The following TNR variants were observed in gnomAD, a reference collection of about 807,000 sequenced individuals.
The protein encoded by TNR is tenascin-R.
A neutral mutation model predicts 150.4 loss-of-function variants in TNR; 45 were observed. That is an observed-to-expected ratio of 0.30 (90% CI 0.24 to 0.38). The LOEUF (loss-of-function observed/expected upper bound fraction) is 0.38. TNR is among the 10% of genes least tolerant of loss of function. The pLI is 1.00. For missense variants in TNR, 1,544 were observed against 1,759.1 expected (o/e 0.88, Z 2.19); for synonymous variants, 687 against 678.4 (o/e 1.01, Z -0.20).
chr1:175,716,516 C>G (rs1238024424), intron 1 of TNR, among the ~76,000 whole-genome samples: 1 of 152,168 alleles, frequency 6.6e-6, no homozygotes, highest in African/African-American at 2.4e-5. Context: ...CCAACCCTCT[C>G]TTTCTGTTCC....
At chr1:175,339,625 C>G (rs1009201386) in intron 18 of TNR, among the ~76,000 whole-genome samples, 1 of 152,174 alleles carries the variant, frequency 6.6e-6, no homozygotes, top group African/African-American at 2.4e-5. Flanking sequence ...GTTTGAGTTT[C>G]TCATTTTAGA....
intron 1 of TNR, among the ~76,000 whole-genome samples, chr1:175,742,078 G>A (rs12028534): frequency 0.18 from 27,323 of 152,180 alleles, 2,597 homozygotes; most frequent in Middle Eastern, 0.25. Context: ...AACCAGGTAG[G>A]TGTGGCCAGG....
At chr1:175,717,478 T>C (rs1285053512) in intron 1 of TNR, among the ~76,000 whole-genome samples, 1 of 152,210 alleles carries the variant, frequency 6.6e-6, no homozygotes, top group African/African-American at 2.4e-5. Context: ...TCATTAGTAG[T>C]CTAACAGCGA....
At chr1:175,689,317 G>A (rs76656206) in intron 1 of TNR, among the ~76,000 whole-genome samples, 5,640 of 152,252 alleles carry the variant, frequency 0.037, 156 homozygotes, top group East Asian at 0.079. Context: ...CAAAGAGCCC[G>A]TCTTTCCACA....
intron 1 of TNR, among the ~76,000 whole-genome samples, chr1:175,664,535 G>C (rs1424632743): frequency 6.6e-6 from 1 of 152,160 alleles, no homozygotes; most frequent in African/African-American, 2.4e-5. Flanking sequence ...CATGTGGTAG[G>C]CTACTCTGAA....
intron 1 of TNR, among the ~76,000 whole-genome samples, chr1:175,708,028 G>A (rs956874213): frequency 6.8e-6 from 1 of 148,036 alleles, no homozygotes; most frequent in Admixed American, 6.6e-5. Context: ...TTGTGTGTGT[G>A]TGTGTGTGTG....
At chr1:175,722,453 T>C (rs1330588814) in intron 1 of TNR, among the ~76,000 whole-genome samples, 1 of 152,092 alleles carries the variant, frequency 6.6e-6, no homozygotes, top group Non-Finnish European at 1.5e-5. Context: ...TCTACCATGC[T>C]CTATTTTTCC....
rs1219907609 is a variant in TNR at position 175,743,293 on chromosome 1, G to C, written c.-232C>G. On this transcript the variant is annotated 5_prime_UTR_variant, in exon 1 of 23. Coordinates refer to ENST00000367674, the MANE Select transcript of TNR (RefSeq NM_003285.3). ...GGGAAGAAAATTCTTGCTTGCTCAGGCTGGAGCCAGCTGATGCGCTCACCT... is the reference window on the plus strand; with the variant it reads ...GGGAAGAAAATTCTTGCTTGCTCAGCCTGGAGCCAGCTGATGCGCTCACCT... 6.6e-6 allele frequency: 1 copy of C among 152,226 alleles called. No individual in the cohort carries two copies. The highest frequency in any genetic ancestry group is 1.5e-5 in the Non-Finnish European group (1 of 68,092). The allele number at this position is 152,226 out of a possible 1,614,324, so 9.4% of individuals were successfully genotyped here.
At position 175,696,217 on chromosome 1, in the gene TNR, G is replaced by GTTT. The variant is rs5778870; in HGVS notation, c.-165+47006_-165+47008dup. On this transcript the variant is annotated intron_variant, in intron 1 of 22. Coordinates refer to ENST00000367674, the MANE Select transcript of TNR (RefSeq NM_003285.3). ...ATGCCATTAAATGAGCCTTCCTGTA[G>GTTT]TTTTTTTTTTTTTTTTTTTTTTTTT... Among the ~76,000 whole-genome samples the GTTT allele has an allele frequency of 5.6e-3, 227 of 40,302 alleles. 6 individuals carry two copies. The highest frequency in any genetic ancestry group is 0.015 in the African/African-American group (193 of 13,064). 26.4% of individuals were successfully genotyped at this position (40,302 alleles called of 152,430 possible). A position where few individuals can be genotyped will look rare whatever the true frequency, so the allele number is the denominator to read the frequency against.
At chr1:175,648,956 A>G (rs1020510401) in intron 1 of TNR, among the ~76,000 whole-genome samples, 7 of 152,082 alleles carry the variant, frequency 4.6e-5, no homozygotes, top group Admixed American at 1.3e-4. Flanking sequence ...GGCACCCATC[A>G]TCTCAGGCCT....
chr1:175,452,919 T>C (rs1331523501), intron 2 of TNR, among the ~76,000 whole-genome samples: 1 of 152,036 alleles, frequency 6.6e-6, no homozygotes, highest in Non-Finnish European at 1.5e-5. Flanking sequence ...GGATGAACCG[T>C]GAAGTCATTA....
At chr1:175,343,059 C>A (rs961185151) in intron 18 of TNR, among the ~76,000 whole-genome samples, 1 of 152,160 alleles carries the variant, frequency 6.6e-6, no homozygotes, top group African/African-American at 2.4e-5. Flanking sequence ...TCTGGTCCCA[C>A]CTGCATTCAT....
At chr1:175,570,061 A>T (rs904323498) in intron 1 of TNR, among the ~76,000 whole-genome samples, 1 of 152,200 alleles carries the variant, frequency 6.6e-6, no homozygotes, top group Non-Finnish European at 1.5e-5. Context: ...GCTTTCCTTC[A>T]AGTTCTATAA....
At chr1:175,675,097 C>T (rs769499260) in intron 1 of TNR, among the ~76,000 whole-genome samples, 4 of 152,120 alleles carry the variant, frequency 2.6e-5, no homozygotes, top group Non-Finnish European at 4.4e-5. Flanking sequence ...AGAAAGATTG[C>T]ATTAAGTTTG....
chr1:175,416,143 C>CTA (rs1553218058), intron 2 of TNR, among the ~76,000 whole-genome samples: 3,923 of 151,546 alleles, frequency 0.026, 155 homozygotes, highest in African/African-American at 0.089. Flanking sequence ...CACACACACA[C>CTA]TATATATATA....
chr1:175,584,465 G>A (rs771378634), intron 1 of TNR, among the ~76,000 whole-genome samples: 26 of 152,326 alleles, frequency 1.7e-4, no homozygotes, highest in African/African-American at 6.3e-4. Context: ...TTGCAGAACC[G>A]TGAGACAGTA....
At chr1:175,672,816 T>C (rs1437809560) in intron 1 of TNR, among the ~76,000 whole-genome samples, 4 of 152,162 alleles carry the variant, frequency 2.6e-5, no homozygotes, top group African/African-American at 4.8e-5. Flanking sequence ...CTTGCATTCA[T>C]ATTCCCTTTT....
intron 7 of TNR, among the ~76,000 whole-genome samples, chr1:175,387,840 T>G (rs1653006342): frequency 6.6e-6 from 1 of 152,214 alleles, no homozygotes; most frequent in Non-Finnish European, 1.5e-5. Context: ...AGGTTGAGCC[T>G]TTCCCTGGGT....
intron 2 of TNR, among the ~76,000 whole-genome samples, chr1:175,518,031 G>A (rs1212884479): frequency 6.6e-6 from 1 of 152,142 alleles, no homozygotes; most frequent in African/African-American, 2.4e-5. Flanking sequence ...CTTAGGAGGA[G>A]TGTTGATGGT....
Sources: gnomAD v4.1 joint callset for allele counts (sites outside exome capture counted in the v4.1 genomes callset) on GRCh38, gnomAD v4.1.1 for gene constraint, MANE v1.5 for transcripts, NCBI Gene and HGNC (gene_info 2026-07-23, HGNC 2026-07-21) for gene names.